Variants in CCDC93 observed in about 807,000 individuals in gnomAD.
CCDC93 encodes CCC complex scaffolding subunit CCDC93.
In CCDC93, 61 loss-of-function variants were observed where a neutral mutation model predicts 108.2. The observed-to-expected ratio is 0.56, with a 90% confidence interval of 0.46 to 0.70. The LOEUF (loss-of-function observed/expected upper bound fraction) is 0.70. Among genes scored for constraint, CCDC93 ranks in the 30% least tolerant of loss-of-function variants. CCDC93 has a pLI of 0.00. For synonymous variants in CCDC93, 276 were observed against 260.4 expected, an observed-to-expected ratio of 1.06 and a Z score of -0.58; for missense variants, 685 against 764.2, an observed-to-expected ratio of 0.90 and a Z score of 1.22.
intron 2 of CCDC93, among the ~76,000 whole-genome samples, chr2:118,007,943 C>T (rs1224147726): frequency 1.3e-5 from 2 of 152,216 alleles, no homozygotes; most frequent in Non-Finnish European, 2.9e-5. Flanking sequence ...GCACAGTCCA[C>T]GGTGGCACTT....
intron 12 of CCDC93, among the ~76,000 whole-genome samples, chr2:117,958,027 A>G (rs998943035): frequency 3.9e-5 from 6 of 152,194 alleles, no homozygotes; most frequent in African/African-American, 9.6e-5. Flanking sequence ...TGCTCGGTAG[A>G]TATTTGTTAA....
chr2:117,965,283 G>A (rs978514543), intron 11 of CCDC93, among the ~76,000 whole-genome samples: 2 of 152,080 alleles, frequency 1.3e-5, no homozygotes, highest in African/African-American at 4.8e-5. Flanking sequence ...CTAGCAAGTG[G>A]TAACATTTTT....
intron 13 of CCDC93, chr2:117,950,263 AAG>A: frequency 1.0e-6 from 1 of 985,432 alleles, no homozygotes; most frequent in Non-Finnish European, 1.2e-6. Flanking sequence ...AACCTTAAAA[AAG>A]ATGTATCAAT....
At chr2:117,945,844 G>A (rs754439880) in intron 16 of CCDC93, among the ~76,000 whole-genome samples, 6 of 152,152 alleles carry the variant, frequency 3.9e-5, no homozygotes, top group South Asian at 2.1e-4. Flanking sequence ...TAAGAATCTC[G>A]CTAACAAGAT....
At chr2:117,985,733 G>A (rs1046489497) in intron 7 of CCDC93, among the ~76,000 whole-genome samples, 23 of 152,066 alleles carry the variant, frequency 1.5e-4, no homozygotes, top group Non-Finnish European at 3.2e-4. Flanking sequence ...TAAATGCCTG[G>A]AACACCCCAA....
At chr2:117,937,432 C>G (rs1337472037) in intron 20 of CCDC93, among the ~76,000 whole-genome samples, 1 of 152,182 alleles carries the variant, frequency 6.6e-6, no homozygotes, top group Non-Finnish European at 1.5e-5. Flanking sequence ...GGTTCACAGT[C>G]AGCAATGTAG....
intron 7 of CCDC93, among the ~76,000 whole-genome samples, chr2:117,983,951 A>G (rs1680236561): frequency 1.3e-5 from 2 of 152,214 alleles, no homozygotes; most frequent in South Asian, 4.1e-4. Flanking sequence ...AGGCTCAAAC[A>G]GTATTTGCAG....
At chr2:117,987,753 T>C (rs1190544705) in intron 6 of CCDC93, among the ~76,000 whole-genome samples, 2 of 152,226 alleles carry the variant, frequency 1.3e-5, no homozygotes, top group African/African-American at 4.8e-5. Context: ...TAATAAAAAA[T>C]CTACCATGCT....
intron 23 of CCDC93, among the ~76,000 whole-genome samples, chr2:117,927,494 A>C (rs1186161422): frequency 6.6e-6 from 1 of 152,208 alleles, no homozygotes; most frequent in African/African-American, 2.4e-5. Flanking sequence ...CCAAATCATG[A>C]GTGAACTCCC....
Position 117,952,438 on chromosome 2 carries a change from G to A in CCDC93, c.1006-3C>T. ...AGGCTGGTGTGACTTGCTCGCAGCT[G>A]TAAATGAAAGATAAAAGACATATGC... On this transcript the variant is annotated splice_polypyrimidine_tract_variant and splice_region_variant and intron_variant, in intron 12 of 23. Coordinates refer to ENST00000376300, the MANE Select transcript of CCDC93 (RefSeq NM_019044.5). The A allele has an allele frequency of 6.2e-7, 1 of 1,607,806 alleles. No homozygotes were observed. The highest frequency in any genetic ancestry group is 1.1e-5 in the South Asian group (1 of 90,952).
intron 2 of CCDC93, among the ~76,000 whole-genome samples, chr2:118,007,983 T>C (rs1419791676): frequency 6.6e-6 from 1 of 152,242 alleles, no homozygotes; most frequent in Admixed American, 6.5e-5. Flanking sequence ...TCTGTGCATG[T>C]TGATTCACTT....
chr2:117,973,706 A>G (rs1208047813), intron 11 of CCDC93, among the ~76,000 whole-genome samples: 6 of 152,088 alleles, frequency 3.9e-5, no homozygotes, highest in Admixed American at 2.6e-4. Flanking sequence ...AAAAGTGGGC[A>G]CTGCAGGACA....
chr2:117,985,729 C>A (rs1018313920), intron 7 of CCDC93, among the ~76,000 whole-genome samples: 2 of 152,084 alleles, frequency 1.3e-5, no homozygotes, highest in Non-Finnish European at 2.9e-5. Context: ...TCTGTAAATG[C>A]CTGGAACACC....
rs577054831 is a variant in CCDC93 at position 118,008,527 on chromosome 2, A to G, written c.156+18T>C. On this transcript the variant is annotated intron_variant, in intron 2 of 23. Coordinates refer to ENST00000376300, the MANE Select transcript of CCDC93 (RefSeq NM_019044.5). Reference sequence around the variant, plus strand: ...TCTGACAAAAGATAGTGTAATGGTTAGAAAGATTTCCCCTTACCTTGTCAA... The same window carrying G: ...TCTGACAAAAGATAGTGTAATGGTTGGAAAGATTTCCCCTTACCTTGTCAA... The G allele has an allele frequency of 5.8e-6, 8 of 1,372,566 alleles. No homozygotes were observed. The South Asian group carries it at 8.3e-5, about 14-fold the overall frequency. The allele number at this position is 1,372,566 out of a possible 1,614,324, so 85.0% of individuals were successfully genotyped here.
At chr2:117,967,991 G>A (rs939882455) in intron 11 of CCDC93, among the ~76,000 whole-genome samples, 18 of 152,266 alleles carry the variant, frequency 1.2e-4, no homozygotes, top group South Asian at 8.3e-4. Flanking sequence ...GCATGGAGAG[G>A]CACTCAGGGT....
At chr2:117,925,416 G>A (rs1268375759) in intron 23 of CCDC93, among the ~76,000 whole-genome samples, 4 of 152,140 alleles carry the variant, frequency 2.6e-5, no homozygotes, top group South Asian at 2.1e-4. Flanking sequence ...AAAATAAAGG[G>A]ATGGAGGAAG....
intron 11 of CCDC93, among the ~76,000 whole-genome samples, chr2:117,968,555 A>G (rs1232847549): frequency 1.3e-5 from 2 of 152,214 alleles, no homozygotes; most frequent in African/African-American, 4.8e-5. Flanking sequence ...TACAAGAACC[A>G]TATTGAGTTA....
At chr2:117,987,412 C>T (rs553128474) in intron 6 of CCDC93, among the ~76,000 whole-genome samples, 74 of 152,204 alleles carry the variant, frequency 4.9e-4, no homozygotes, top group Non-Finnish European at 8.4e-4. Flanking sequence ...TCAGCTAGCC[C>T]TCTCACAAGA....
In CCDC93 at chr2:117,941,317, A is replaced by C. The variant is rs527727030; in HGVS notation, c.1414-20T>G. ...TCGAGCCTAAATGCAAAAGGGAGAC[A>C]GAGACAGTACTATTTGGTAAAAGGC... On this transcript the variant is annotated intron_variant, in intron 18 of 23. Coordinates refer to ENST00000376300, the MANE Select transcript of CCDC93 (RefSeq NM_019044.5). The C allele has an allele frequency of 1.3e-6, 2 of 1,592,808 alleles. No individual in the cohort carries two copies. The highest frequency in any genetic ancestry group is 3.3e-5 in the Admixed American group (2 of 59,992).
Sources: allele counts gnomAD v4.1 joint callset (sites outside exome capture counted in the v4.1 genomes callset), GRCh38; gene constraint gnomAD v4.1.1; transcripts MANE v1.5; gene names NCBI Gene and HGNC (gene_info 2026-07-23, HGNC 2026-07-21).